ANXA4: variants seen among roughly 807,000 people sequenced by gnomAD.
ANXA4 encodes annexin A4.
In ANXA4, 39 loss-of-function variants were observed where a neutral mutation model predicts 49.8. That is an observed-to-expected ratio of 0.78 (90% CI 0.61 to 1.02). The LOEUF is 1.02. Among genes scored for constraint, ANXA4 ranks in the 50% least tolerant of loss-of-function variants. The pLI, the probability that ANXA4 is intolerant of heterozygous loss-of-function variation, is 0.00. For synonymous variants in ANXA4, 134 were observed against 152.5 expected, an observed-to-expected ratio of 0.88 and a Z score of 0.89; for missense variants, 360 against 410.1, an observed-to-expected ratio of 0.88 and a Z score of 1.05.
upstream of ANXA4, among the ~76,000 whole-genome samples, chr2:69,738,214 G>A (rs538386466): frequency 7.9e-5 from 12 of 152,132 alleles, no homozygotes; most frequent in Admixed American, 2.0e-4. Flanking sequence ...GCGTGTGTAA[G>A]TGGGTGGGGC....
intron 2 of ANXA4, among the ~76,000 whole-genome samples, chr2:69,664,671 G>A (rs549866862): frequency 6.6e-6 from 1 of 152,216 alleles, no homozygotes; most frequent in African/African-American, 2.4e-5. Context: ...TTCAAAATTG[G>A]CAGCAACAGT....
At chr2:69,734,270 A>T (rs1244407624) in intron 3 of ANXA4, among the ~76,000 whole-genome samples, 2 of 152,216 alleles carry the variant, frequency 1.3e-5, no homozygotes, top group Non-Finnish European at 2.9e-5. Context: ...ACCATTGCCA[A>T]TATTGTAACA....
At chr2:69,717,922 A>T (rs552308134) in intron 2 of ANXA4, among the ~76,000 whole-genome samples, 3 of 152,322 alleles carry the variant, frequency 2.0e-5, no homozygotes, top group African/African-American at 7.2e-5. Context: ...GGGTCCTCTA[A>T]GTAAGAAAGC....
rs549276703 is a variant in ANXA4 at position 69,678,307 on chromosome 2, A to G, written n.766+25025A>G. On this transcript the variant is annotated intron_variant and non_coding_transcript_variant, in intron 2 of 3. Coordinates refer to the ANXA4 transcript ENST00000418066. ...GAATTACTATGTAAAGATTACAAAT[A>G]TTTTTACAACTTTTGGTTTATGTTG... 7.8e-5 allele frequency among the ~76,000 whole-genome samples: 11 copies of G among 141,820 alleles called. No homozygotes were observed. In the East Asian group the frequency reaches 2.1e-3, roughly 27 times the overall value. 93.0% of individuals were successfully genotyped at this position (141,820 alleles called of 152,430 possible).
intron 1 of ANXA4, among the ~76,000 whole-genome samples, chr2:69,765,949 G>T (rs371691058): frequency 1.3e-4 from 20 of 152,274 alleles, no homozygotes; most frequent in South Asian, 8.3e-4. Flanking sequence ...TTAATCAGCA[G>T]GCATTTCTTG....
chr2:69,660,464 G>A (rs1476433660), intron 2 of ANXA4, among the ~76,000 whole-genome samples: 1 of 152,062 alleles, frequency 6.6e-6, no homozygotes, highest in Non-Finnish European at 1.5e-5. Flanking sequence ...TCAGTTAAGA[G>A]AACAAAACAA....
intron 3 of ANXA4, among the ~76,000 whole-genome samples, chr2:69,730,648 A>T (rs540436863): frequency 6.6e-6 from 1 of 152,190 alleles, no homozygotes; most frequent in Non-Finnish European, 1.5e-5. Context: ...CATGGCCCCT[A>T]TGCGACTTGG....
chr2:69,745,441 G>T (rs1476228705), intron 1 of ANXA4, among the ~76,000 whole-genome samples: 2 of 152,188 alleles, frequency 1.3e-5, no homozygotes, highest in Non-Finnish European at 2.9e-5. Context: ...CACCCAGGAA[G>T]CTTGTACAAT....
At chr2:69,730,696 T>C (rs757476525) in intron 3 of ANXA4, among the ~76,000 whole-genome samples, 2 of 152,234 alleles carry the variant, frequency 1.3e-5, no homozygotes, top group Non-Finnish European at 2.9e-5. Context: ...CTGCTCATGC[T>C]GCCAGCTGCA....
chr2:69,776,978 G>T (rs1016991199), intron 1 of ANXA4, among the ~76,000 whole-genome samples: 1 of 152,140 alleles, frequency 6.6e-6, no homozygotes, highest in South Asian at 2.1e-4. Context: ...ATGACCCCCT[G>T]TTGACTTTCA....
chr2:69,780,436 T>C (rs1672148751), intron 1 of ANXA4, among the ~76,000 whole-genome samples: 1 of 152,296 alleles, frequency 6.6e-6, no homozygotes. Flanking sequence ...CCTCAAATGA[T>C]CCACCTGCCT....
At chr2:69,748,545 GTTAAC>G (rs1670713824) in intron 1 of ANXA4, among the ~76,000 whole-genome samples, 6 of 150,344 alleles carry the variant, frequency 4.0e-5, no homozygotes, top group Admixed American at 4.0e-4. Flanking sequence ...CATAAATTAT[GTTAAC>G]TTGCATTATT....
chr2:69,748,355 G>C (rs1395996137), intron 1 of ANXA4, among the ~76,000 whole-genome samples: 2 of 151,530 alleles, frequency 1.3e-5, no homozygotes, highest in Non-Finnish European at 2.9e-5. Flanking sequence ...CTCCAGCCTG[G>C]GCGACAGAGT....
chr2:69,686,701 T>C (rs1453352525), intron 2 of ANXA4, among the ~76,000 whole-genome samples: 2 of 152,220 alleles, frequency 1.3e-5, no homozygotes, highest in Non-Finnish European at 2.9e-5. Context: ...AGCAATCCTC[T>C]GGACTTGGCC....
At chr2:69,742,094 C>G (rs1156477117), upstream of ANXA4, 2 of 152,276 alleles carry the variant, frequency 1.3e-5, no homozygotes, top group African/African-American at 4.8e-5. Context: ...TGGGGCGGAT[C>G]CGTCCCGGAT....
intron 9 of ANXA4, chr2:69,818,018 G>T (rs775972780): frequency 6.6e-6 from 1 of 152,248 alleles, no homozygotes; most frequent in African/African-American, 2.4e-5. Flanking sequence ...CAAAGAAGGC[G>T]ATGGTGAGAA....
At chr2:69,819,930 T>C (rs1674158347) in intron 11 of ANXA4, among the ~76,000 whole-genome samples, 1 of 151,766 alleles carries the variant, frequency 6.6e-6, no homozygotes, top group South Asian at 2.1e-4. Context: ...TAGTCAGGTA[T>C]GGTGGCTCAT....
intron 1 of ANXA4, among the ~76,000 whole-genome samples, chr2:69,775,788 T>G (rs1001392351): frequency 3.3e-5 from 5 of 152,150 alleles, no homozygotes; most frequent in African/African-American, 4.8e-5. Flanking sequence ...GGTTGGACTT[T>G]AAGTCTAGCT....
intron 2 of ANXA4, among the ~76,000 whole-genome samples, chr2:69,669,005 C>T (rs879899112): frequency 1.3e-5 from 2 of 151,216 alleles, no homozygotes; most frequent in African/African-American, 2.4e-5. Flanking sequence ...GGTGCGATCT[C>T]GCCTCACTGC....
Sources: allele counts gnomAD v4.1 joint callset (sites outside exome capture counted in the v4.1 genomes callset), GRCh38; gene constraint gnomAD v4.1.1; transcripts MANE v1.5; gene names NCBI Gene and HGNC (gene_info 2026-07-23, HGNC 2026-07-21).